ARHGAP12: variants seen among roughly 807,000 people sequenced by gnomAD.
ARHGAP12 encodes the protein rho GTPase-activating protein 12.
In ARHGAP12, 64 loss-of-function variants were observed where a neutral mutation model predicts 108.6. The ratio of observed to expected loss-of-function variants is 0.59; its 90% confidence interval spans 0.48 to 0.73. ARHGAP12 has a LOEUF of 0.73. Among genes scored for constraint, ARHGAP12 ranks in the 30% least tolerant of loss-of-function variants. The probability of loss-of-function intolerance (pLI) is 0.00; values close to 1 mark genes in which losing one functional copy is unlikely to be tolerated. For missense variants in ARHGAP12, 940 were observed against 1,005.9 expected (o/e 0.93, Z 0.89); for synonymous variants, 312 against 337.2 (o/e 0.93, Z 0.82).
At chr10:31,922,875 T>G (rs115203929) in intron 1 of ARHGAP12, among the ~76,000 whole-genome samples, 82 of 152,132 alleles carry the variant, frequency 5.4e-4, no homozygotes, top group African/African-American at 1.9e-3. Context: ...CACCTGTAAT[T>G]CCAGTGTTTT....
At position 31,912,195 on chromosome 10, in the gene ARHGAP12, A is replaced by AT. The variant is rs1208604677; in HGVS notation, c.-110-1633dup. Among the ~76,000 whole-genome samples the AT allele has an allele frequency of 8.5e-5, 13 of 152,096 alleles. 1 individual carries two copies. The highest frequency in any genetic ancestry group is 7.9e-4 in the Admixed American group (12 of 15,250). ...ACCCTGAAATGCTTATCCTTAGGTG[A>AT]TTTTTTTTCCAGGAAAGTAATAAAA... On this transcript the variant is annotated intron_variant, in intron 1 of 19. Transcript: ENST00000344936.
intron 1 of ARHGAP12, among the ~76,000 whole-genome samples, chr10:31,918,315 TCACACACACACACACACACACACA>T (rs58245483): frequency 2.1e-5 from 3 of 139,966 alleles, no homozygotes; most frequent in Non-Finnish European, 3.1e-5. Context: ...ATTAGGGAAA[TCACACACACACACACACACACACA>T]CACACACACA....
chr10:31,845,764 G>A (rs1358495820), intron 6 of ARHGAP12, among the ~76,000 whole-genome samples: 2 of 152,038 alleles, frequency 1.3e-5, no homozygotes, highest in East Asian at 1.9e-4. Flanking sequence ...CAGCTTGGGC[G>A]ACAGAGTGAT....
chr10:31,865,908 T>G (rs372441060), intron 3 of ARHGAP12, among the ~76,000 whole-genome samples: 1 of 150,266 alleles, frequency 6.7e-6, no homozygotes, highest in Non-Finnish European at 1.5e-5. Context: ...GCTAAAAATA[T>G]AGAAGTCATT....
In ARHGAP12 at chr10:31,918,439, A is replaced by G. The variant is rs529243299; in HGVS notation, c.-110-7876T>C. ...AAAAATAGACCAAGTACAGTGGCTC[A>G]TATCTGTAATCCCAGTAATTTGGGA... On this transcript the variant is annotated intron_variant, in intron 1 of 19. Transcript: ENST00000344936. Among the ~76,000 whole-genome samples the G allele has an allele frequency of 7.9e-5, 12 of 152,178 alleles. 1 individual carries two copies. The South Asian group carries it at 2.3e-3, about 29-fold the overall frequency.
intron 6 of ARHGAP12, among the ~76,000 whole-genome samples, chr10:31,851,342 C>A (rs1044918744): frequency 1.8e-4 from 27 of 152,258 alleles, no homozygotes; most frequent in African/African-American, 6.5e-4. Context: ...GAAGATGTGA[C>A]AAGTTTTTTA....
chr10:31,812,313 T>C (rs1249527730), intron 15 of ARHGAP12, among the ~76,000 whole-genome samples: 1 of 152,180 alleles, frequency 6.6e-6, no homozygotes, highest in Non-Finnish European at 1.5e-5. Context: ...TCAGTTACCT[T>C]AAATGACAGC....
chr10:31,840,820 AG>A (rs1199638231), intron 7 of ARHGAP12, among the ~76,000 whole-genome samples: 1 of 152,186 alleles, frequency 6.6e-6, no homozygotes, highest in Non-Finnish European at 1.5e-5. Context: ...AAGCCCTTGA[AG>A]GGACAAGTTT....
At chr10:31,819,854 T>A (rs1835343432) in intron 12 of ARHGAP12, among the ~76,000 whole-genome samples, 1 of 152,076 alleles carries the variant, frequency 6.6e-6, no homozygotes, top group South Asian at 2.1e-4. Context: ...GGTTCTTTTG[T>A]TAAACCACTA....
chr10:31,897,606 T>A (rs1485583562), intron 3 of ARHGAP12, among the ~76,000 whole-genome samples: 3 of 152,140 alleles, frequency 2.0e-5, no homozygotes, highest in African/African-American at 7.2e-5. Flanking sequence ...ATTTAAAGCC[T>A]CTGGTACCTA....
Position 31,809,316 on chromosome 10 carries a change from CAATAAT to C in ARHGAP12, c.2051-15_2051-10del. On this transcript the variant is annotated splice_polypyrimidine_tract_variant and intron_variant, in intron 16 of 19. Transcript: ENST00000344936. ...CCCATCAATATCCAAACCTAAGAGA[CAATAAT>C]AATTTGTGTGTGTGTGTGTTTAAAG... 1 of 1,612,334 alleles carries C rather than the reference CAATAAT, an allele frequency of 6.2e-7. No individual in the cohort carries two copies. The highest frequency in any genetic ancestry group is 8.5e-7 in the Non-Finnish European group (1 of 1,178,458).
At chr10:31,914,982 GCAA>G (rs1267325528) in intron 1 of ARHGAP12, among the ~76,000 whole-genome samples, 1 of 152,190 alleles carries the variant, frequency 6.6e-6, no homozygotes. Context: ...CCTGCCATTC[GCAA>G]CAACATGAAT....
intron 1 of ARHGAP12, among the ~76,000 whole-genome samples, chr10:31,916,013 T>C (rs558753408): frequency 2.6e-4 from 39 of 152,224 alleles, no homozygotes; most frequent in Non-Finnish European, 4.8e-4. Flanking sequence ...ATTCTGTTCT[T>C]AAGAGAAAGT....
At chr10:31,817,970 A>C in intron 12 of ARHGAP12, 84 bp from the exon 13 acceptor site, 1 of 973,704 alleles carries the variant, frequency 1.0e-6, no homozygotes, top group Admixed American at 2.2e-5. Context: ...TTCAAAGTTA[A>C]CAAAACCACC....
rs78026558 is a variant in ARHGAP12, at chr10:31,891,063, T to G, written c.684+17109A>C. ...ACTAAAAGGAAATATTTAAATGGTT[T>G]TCAATTAGAACTGAAGCTGAAATCT... On this transcript the variant is annotated intron_variant, in intron 3 of 19. Transcript: ENST00000344936. Among the ~76,000 whole-genome samples, 761 of 152,320 alleles carry G rather than the reference T, an allele frequency of 5.0e-3. 3 individuals are homozygous for G. Among genetic ancestry groups the G allele is most frequent in the African/African-American group, 0.018 (728 of 41,576 alleles).
chr10:31,923,908 A>G (rs545725427), intron 1 of ARHGAP12, among the ~76,000 whole-genome samples: 18 of 152,314 alleles, frequency 1.2e-4, no homozygotes, highest in African/African-American at 4.1e-4. Flanking sequence ...CAAATTGTAC[A>G]CTTAAAAAAT....
intron 9 of ARHGAP12, among the ~76,000 whole-genome samples, chr10:31,832,541 T>C (rs1457673461): frequency 6.6e-6 from 1 of 152,220 alleles, no homozygotes; most frequent in Non-Finnish European, 1.5e-5. Flanking sequence ...TTTAGTTTCC[T>C]AGAAGCAAAT....
chr10:31,886,599 T>C (rs1000530672), intron 3 of ARHGAP12, among the ~76,000 whole-genome samples: 1 of 152,198 alleles, frequency 6.6e-6, no homozygotes, highest in Non-Finnish European at 1.5e-5. Flanking sequence ...ACTGACATCA[T>C]ATTCCAAAAG....
At chr10:31,883,015 G>A (rs1484082770) in intron 3 of ARHGAP12, among the ~76,000 whole-genome samples, 1 of 151,778 alleles carries the variant, frequency 6.6e-6, no homozygotes, top group African/African-American at 2.4e-5. Flanking sequence ...CTACTCTTGG[G>A]CCGGGCACAG....
Sources: gnomAD v4.1 joint callset for allele counts (sites outside exome capture counted in the v4.1 genomes callset) on GRCh38, gnomAD v4.1.1 for gene constraint, MANE v1.5 for transcripts, NCBI Gene and HGNC (gene_info 2026-07-23, HGNC 2026-07-21) for gene names.